The following GCGR variants were observed in gnomAD, a reference collection of about 807,000 sequenced individuals.
GCGR encodes the protein glucagon receptor.
In GCGR, 41 loss-of-function variants were observed where a neutral mutation model predicts 56.1. That is an observed-to-expected ratio of 0.73 (90% confidence interval 0.57 to 0.95). GCGR has a LOEUF of 0.95. Ranked by LOEUF, GCGR falls within the 40% of genes least tolerant of loss-of-function variation. GCGR has a pLI of 0.00. For synonymous variants in GCGR, 278 were observed against 271.1 expected (o/e 1.03, Z -0.25); for missense variants, 595 against 638.2 (o/e 0.93, Z 0.73).
In GCGR at chr17:81,806,050, C is replaced by T. The variant is rs989287436; in HGVS notation, c.-178+1801C>T. On this transcript the variant is annotated intron_variant, in intron 1 of 13. Coordinates refer to ENST00000400723, the MANE Select transcript of GCGR (RefSeq NM_000160.5). This position sits in a 1 kb window ranked among gnomAD's most constrained non-coding sequence, Gnocchi z 6.5. ...TCACCTTCAGTGATGGGGCAGGGTC[C>T]CCACTTGGGAAGTTAAATCGTCGTC... Among the ~76,000 whole-genome samples the T allele has an allele frequency of 1.3e-5, 2 of 152,116 alleles. No homozygotes were observed. The highest frequency in any genetic ancestry group is 3.9e-4 in the East Asian group (2 of 5,182).
rs1342231468 is a variant in GCGR at position 81,811,988 on chromosome 17, G to A, written c.878+42G>A. ...GGACAGCCTGGGGAGGGACCGGGGG[G>A]CTGGGGTGCGGCGCTCTGGCCTGAG... On this transcript the variant is annotated intron_variant, in intron 9 of 13. Coordinates refer to ENST00000400723, the MANE Select transcript of GCGR (RefSeq NM_000160.5). This position sits in a 1 kb window ranked among gnomAD's most constrained non-coding sequence, Gnocchi z 5.8. 9.8e-6 allele frequency: 15 copies of A among 1,535,856 alleles called. No individual in the cohort carries two copies. Among genetic ancestry groups the A allele is most frequent in the South Asian group, 8.3e-5 (7 of 84,014 alleles).
At position 81,812,549 on chromosome 17, in the gene GCGR, G is replaced by A. The variant is rs1326131232; in HGVS notation, c.949-28G>A. The A allele has an allele frequency of 6.5e-7, 1 of 1,527,210 alleles. No individual in the cohort carries two copies. The highest frequency in any genetic ancestry group is 8.8e-7 in the Non-Finnish European group (1 of 1,139,364). The allele number at this position is 1,527,210 out of a possible 1,614,324, so 94.6% of individuals were successfully genotyped here. The stretch of plus-strand genomic sequence containing the variant: ...AGAGCTGTTCCCTGGGGCTCGGGAT[G>A]CCCCTGACTCGCACCCTTCTCACAC... On this transcript the variant is annotated intron_variant, in intron 10 of 13. Transcript: ENST00000400723. The surrounding 1 kb of genome is among the most constrained non-coding windows in gnomAD (Gnocchi z 8.5).
intron 2 of GCGR, among the ~76,000 whole-genome samples, chr17:81,809,566 TCTGC>T (rs2038046774): frequency 6.9e-6 from 1 of 145,740 alleles, no homozygotes; most frequent in Admixed American, 6.8e-5. Context: ...TGCCTGTCCG[TCTGC>T]CTGTCTGTCC....
chr17:81,812,911 A>C lies in GCGR; in HGVS notation c.1142A>C (p.Lys381Thr). Residue 381 changes from lysine (K) to threonine (T), a missense_variant, in exon 12 of 14, where the codon AAG becomes ACG. Coordinates refer to ENST00000400723, the MANE Select transcript of GCGR (RefSeq NM_000160.5). This position sits in a 1 kb window ranked among gnomAD's most constrained non-coding sequence, Gnocchi z 8.5. ...GCCCAGGGCACCCTGCGCTCCGCCA[A>C]GCTCTTCTTCGACCTCTTCCTCAGC... is the stretch of plus-strand genomic sequence containing the variant. ...EHAQGTLRSA[K>T]LFFDLFLSSF... The C allele has an allele frequency of 1.3e-6, 2 of 1,536,096 alleles. No homozygotes were observed.
chr17:81,813,997 C>G lies in GCGR; in HGVS notation c.*308C>G. 3 of 409,696 alleles carry G rather than the reference C, an allele frequency of 7.3e-6. No individual in the cohort carries two copies. The highest frequency in any genetic ancestry group is 1.3e-5 in the Non-Finnish European group (3 of 222,418). The allele number at this position is 409,696 out of a possible 1,614,324, so 25.4% of individuals were successfully genotyped here. A position where few individuals can be genotyped will look rare whatever the true frequency, so the allele number is the denominator to read the frequency against. On this transcript the variant is annotated 3_prime_UTR_variant, in exon 14 of 14. Transcript: ENST00000400723. This position sits in a 1 kb window ranked among gnomAD's most constrained non-coding sequence, Gnocchi z 5.3. ...GGAAATGTCCTCCAACAATAAAGAG[C>G]TCAAGTGGTCACCGTGCATGTCCTG...
At position 81,810,058 on chromosome 17, in the gene GCGR, C is replaced by T. The variant is rs1305662318; in HGVS notation, c.163+174C>T. The T allele has an allele frequency of 7.3e-6, 5 of 681,354 alleles. No individual in the cohort carries two copies. The East Asian group carries it at 1.4e-4, about 19-fold the overall frequency. The allele number at this position is 681,354 out of a possible 1,614,324, so 42.2% of individuals were successfully genotyped here. A position where few individuals can be genotyped will look rare whatever the true frequency, so the allele number is the denominator to read the frequency against. ...AGGTGAGGTAACGAGGTAACTGAGC[C>T]ACAGAGCTGGGGACTTGCCTCAGGC... On this transcript the variant is annotated intron_variant, in intron 3 of 13. Coordinates refer to ENST00000400723, the MANE Select transcript of GCGR (RefSeq NM_000160.5). This position sits in a 1 kb window ranked among gnomAD's most constrained non-coding sequence, Gnocchi z 4.6.
rs1414982491 is a variant in GCGR, at chr17:81,809,442, TCTGC to T, written c.61-328_61-325del. On this transcript the variant is annotated intron_variant, in intron 2 of 13. Coordinates refer to ENST00000400723, the MANE Select transcript of GCGR (RefSeq NM_000160.5). ...GCCTGCCTGTCCGTCTGCCTGTCCG[TCTGC>T]CTGCCTGCCTGTCTGTCTGCCTGCC... 4.5e-5 allele frequency among the ~76,000 whole-genome samples: 6 copies of T among 134,396 alleles called. No homozygotes were observed. In the East Asian group the frequency reaches 7.2e-4, roughly 16 times the overall value. The allele number at this position is 134,396 out of a possible 152,430, so 88.2% of individuals were successfully genotyped here. A position where few individuals can be genotyped will look rare whatever the true frequency, so the allele number is the denominator to read the frequency against.
Position 81,808,834 on chromosome 17 carries a change from A to G in GCGR, c.-177-8A>G. ...GCGCCCGGCCCCCAGCTCCCTCTTTATCCCTAGGACCCTGAGGCTCAGAGG... is the reference window on the plus strand; with the variant it reads ...GCGCCCGGCCCCCAGCTCCCTCTTTGTCCCTAGGACCCTGAGGCTCAGAGG... On this transcript the variant is annotated splice_region_variant and splice_polypyrimidine_tract_variant and intron_variant, in intron 1 of 13. Coordinates refer to ENST00000400723, the MANE Select transcript of GCGR (RefSeq NM_000160.5). 1 of 693,378 alleles carries G rather than the reference A, an allele frequency of 1.4e-6. No individual in the cohort carries two copies. Among genetic ancestry groups the G allele is most frequent in the Non-Finnish European group, 2.4e-6 (1 of 414,358 alleles). The allele number at this position is 693,378 out of a possible 1,614,324, so 43.0% of individuals were successfully genotyped here. A position where few individuals can be genotyped will look rare whatever the true frequency, so the allele number is the denominator to read the frequency against.
rs1263632944 is a variant in GCGR at position 81,811,566 on chromosome 17, C to G, written c.657+6C>G. On this transcript the variant is annotated splice_donor_region_variant and intron_variant, in intron 7 of 13. Transcript: ENST00000400723. This position sits in a 1 kb window ranked among gnomAD's most constrained non-coding sequence, Gnocchi z 5.8. The stretch of plus-strand genomic sequence containing the variant: ...GCACCTGGCTCAGTGATGGAGTGAG[C>G]CCCCCTCGGCGGCCCCAGGCAGGTG... The G allele has an allele frequency of 4.6e-6, 7 of 1,536,152 alleles. No individual in the cohort carries two copies. The East Asian group carries it at 1.5e-4, about 32-fold the overall frequency.
Position 81,810,005 on chromosome 17 carries a change from C to A in GCGR, c.163+121C>A. 1.3e-6 allele frequency: 1 copy of A among 769,530 alleles called. No individual in the cohort carries two copies. Among genetic ancestry groups the A allele is most frequent in the South Asian group, 1.5e-5 (1 of 68,478 alleles). The allele number at this position is 769,530 out of a possible 1,614,324, so 47.7% of individuals were successfully genotyped here. ...TGAGGACCCCGCCAAGGGGCCCTGT[C>A]ATTCCTCAGGCCCCCACCACCGTGG... On this transcript the variant is annotated intron_variant, in intron 3 of 13. Transcript: ENST00000400723. This position sits in a 1 kb window ranked among gnomAD's most constrained non-coding sequence, Gnocchi z 4.6.
At chr17:81,808,391 A>T (rs9797225) in intron 1 of GCGR, among the ~76,000 whole-genome samples, 1 of 151,856 alleles carries the variant, frequency 6.6e-6, no homozygotes, top group East Asian at 1.9e-4. Context: ...CATTGGGTCA[A>T]CCTGCAGGAA....
chr17:81,808,785 C>T (rs2038013603), intron 1 of GCGR, 57 bp from the exon 2 acceptor site: 3 of 585,890 alleles, frequency 5.1e-6, no homozygotes, highest in Non-Finnish European at 9.1e-6. Flanking sequence ...TCCCAAAGTT[C>T]TGGGATTACA....
At position 81,812,793 on chromosome 17, in the gene GCGR, C is replaced by G; in HGVS notation, c.1038-14C>G. ...GGGTGGGGGCGGTGGGTGACTCAGGCGCTGCCTCTGCAGGCTGGCCAAGTC... is the reference window on the plus strand; with the variant it reads ...GGGTGGGGGCGGTGGGTGACTCAGGGGCTGCCTCTGCAGGCTGGCCAAGTC... On this transcript the variant is annotated splice_polypyrimidine_tract_variant and intron_variant, in intron 11 of 13. Coordinates refer to ENST00000400723, the MANE Select transcript of GCGR (RefSeq NM_000160.5). The surrounding 1 kb of genome is among the most constrained non-coding windows in gnomAD (Gnocchi z 8.5). 1.3e-6 allele frequency: 2 copies of G among 1,535,494 alleles called. No individual in the cohort carries two copies. The highest frequency in any genetic ancestry group is 1.7e-6 in the Non-Finnish European group (2 of 1,146,712).
At position 81,812,444 on chromosome 17, in the gene GCGR, C is replaced by CCCCAGGGCTATGTGG; in HGVS notation, c.949-124_949-110dup. ...TCCTCCCTGGCTGTGTGCCCACCAG[C>CCCCAGGGCTATGTGG]CCCAGGGCTATGTGGCCCAGGGCCT... On this transcript the variant is annotated intron_variant, in intron 10 of 13. Transcript: ENST00000400723. This position sits in a 1 kb window ranked among gnomAD's most constrained non-coding sequence, Gnocchi z 8.5. 1 of 1,057,888 alleles carries CCCCAGGGCTATGTGG rather than the reference C, an allele frequency of 9.5e-7. No homozygotes were observed. Among genetic ancestry groups the CCCCAGGGCTATGTGG allele is most frequent in the Non-Finnish European group, 1.4e-6 (1 of 734,724 alleles). The allele number at this position is 1,057,888 out of a possible 1,614,324, so 65.5% of individuals were successfully genotyped here.
Position 81,813,805 on chromosome 17 carries a change from C to G in GCGR, c.*116C>G, listed in dbSNP as rs2038157542. The G allele has an allele frequency of 4.3e-6, 4 of 925,830 alleles. No individual in the cohort carries two copies. The highest frequency in any genetic ancestry group is 5.2e-5 in the Admixed American group (2 of 38,568). The allele number at this position is 925,830 out of a possible 1,614,324, so 57.4% of individuals were successfully genotyped here. On this transcript the variant is annotated 3_prime_UTR_variant, in exon 14 of 14. Transcript: ENST00000400723. The surrounding 1 kb of genome is among the most constrained non-coding windows in gnomAD (Gnocchi z 5.3). ...GCGGGGGAGCCAACAGCAGCCCCCACCTACCCCCCACCCCCAGTGTGGCTG... is the reference window on the plus strand; with the variant it reads ...GCGGGGGAGCCAACAGCAGCCCCCAGCTACCCCCCACCCCCAGTGTGGCTG...
At chr17:81,809,568 T>C (rs1239392730) in intron 2 of GCGR, among the ~76,000 whole-genome samples, 1 of 148,956 alleles carries the variant, frequency 6.7e-6, no homozygotes, top group East Asian at 2.0e-4. Context: ...CCTGTCCGTC[T>C]GCCTGTCTGT....
In GCGR at chr17:81,806,302, C is replaced by T. The variant is rs898888685; in HGVS notation, c.-178+2053C>T. Among the ~76,000 whole-genome samples the T allele has an allele frequency of 1.3e-5, 2 of 152,170 alleles. No individual in the cohort carries two copies. Among genetic ancestry groups the T allele is most frequent in the Admixed American group, 6.5e-5 (1 of 15,282 alleles). On this transcript the variant is annotated intron_variant, in intron 1 of 13. Coordinates refer to ENST00000400723, the MANE Select transcript of GCGR (RefSeq NM_000160.5). This position sits in a 1 kb window ranked among gnomAD's most constrained non-coding sequence, Gnocchi z 6.5. Reference sequence around the variant, plus strand: ...GACCCAGTGGAGAATTGCCTCCCACCTCACCTCTTGTATTCAGAGGCCCTG... The same window carrying T: ...GACCCAGTGGAGAATTGCCTCCCACTTCACCTCTTGTATTCAGAGGCCCTG...
In GCGR at chr17:81,811,973, GGGA is replaced by G; in HGVS notation, c.878+30_878+32del. ...TGAGTATGAGCGGCTGGACAGCCTG[GGGA>G]GGGACCGGGGGGCTGGGGTGCGGCG... On this transcript the variant is annotated intron_variant, in intron 9 of 13. Coordinates refer to ENST00000400723, the MANE Select transcript of GCGR (RefSeq NM_000160.5). This position sits in a 1 kb window ranked among gnomAD's most constrained non-coding sequence, Gnocchi z 5.8. 6.5e-7 allele frequency: 1 copy of G among 1,536,584 alleles called. No individual in the cohort carries two copies. Among genetic ancestry groups the G allele is most frequent in the Non-Finnish European group, 8.7e-7 (1 of 1,146,776 alleles).
At position 81,810,080 on chromosome 17, in the gene GCGR, A is replaced by G; in HGVS notation, c.163+196A>G. On this transcript the variant is annotated intron_variant, in intron 3 of 13. Coordinates refer to ENST00000400723, the MANE Select transcript of GCGR (RefSeq NM_000160.5). This position sits in a 1 kb window ranked among gnomAD's most constrained non-coding sequence, Gnocchi z 4.6. ...AGCCACAGAGCTGGGGACTTGCCTC[A>G]GGCCGCAGAGCCAGGAAATAACAGA... is the stretch of plus-strand genomic sequence containing the variant. 1.5e-6 allele frequency: 1 copy of G among 645,280 alleles called. No individual in the cohort carries two copies. Among genetic ancestry groups the G allele is most frequent in the Non-Finnish European group, 2.8e-6 (1 of 352,646 alleles). 40.0% of individuals were successfully genotyped at this position (645,280 alleles called of 1,614,324 possible).
Sources: gnomAD v4.1 joint callset for allele counts (sites outside exome capture counted in the v4.1 genomes callset) on GRCh38, gnomAD v4.1.1 for gene constraint, Gnocchi (gnomAD v3.1) non-coding constraint, MANE v1.5 for transcripts, NCBI Gene and HGNC (gene_info 2026-07-23, HGNC 2026-07-21) for gene names.